Variants in SECISBP2L observed in about 807,000 individuals in gnomAD.
SECISBP2L encodes the protein selenocysteine insertion sequence-binding protein 2-like.
SECISBP2L carries 43 observed loss-of-function variants against 114.7 expected under a neutral mutation model. That is an observed-to-expected ratio of 0.38 (90% CI 0.29 to 0.48). The LOEUF (loss-of-function observed/expected upper bound fraction) is 0.48. Ranked by LOEUF, SECISBP2L falls within the 20% of genes least tolerant of loss-of-function variation. The pLI, the probability that SECISBP2L is intolerant of heterozygous loss-of-function variation, is 0.98. For synonymous variants in SECISBP2L, 451 were observed against 439.7 expected (o/e 1.03, Z -0.32); for missense variants, 1,136 against 1,301.1 (o/e 0.87, Z 1.95).
chr15:49,006,842 G>A (rs566268835), intron 14 of SECISBP2L, among the ~76,000 whole-genome samples: 10 of 152,216 alleles, frequency 6.6e-5, no homozygotes, highest in African/African-American at 2.4e-4. Flanking sequence ...CCTTGCTGGC[G>A]AGGAGTTGTG....
chr15:49,025,011 C>G (rs910048926), intron 7 of SECISBP2L, among the ~76,000 whole-genome samples: 3 of 152,068 alleles, frequency 2.0e-5, no homozygotes, highest in Non-Finnish European at 4.4e-5. Context: ...CTACTGATAC[C>G]AAAACCAATA....
chr15:49,003,217 G>T (rs1423681986), intron 14 of SECISBP2L, among the ~76,000 whole-genome samples: 4 of 152,174 alleles, frequency 2.6e-5, no homozygotes, highest in Non-Finnish European at 5.9e-5. Context: ...TGGCAATTGT[G>T]AATGGGAGTT....
At chr15:49,028,058 T>G in intron 6 of SECISBP2L, 86 bp downstream of exon 6, 3 of 1,219,142 alleles carry the variant, frequency 2.5e-6, no homozygotes, top group Non-Finnish European at 3.5e-6. Flanking sequence ...TTTTTTGCAG[T>G]ATCAGCAAGC....
At chr15:49,023,119 T>C (rs1902674337) in intron 7 of SECISBP2L, among the ~76,000 whole-genome samples, 1 of 151,716 alleles carries the variant, frequency 6.6e-6, no homozygotes, top group South Asian at 2.1e-4. Flanking sequence ...ATCATGATAA[T>C]AATGAGCAAA....
chr15:49,046,344 C>T lies in SECISBP2L; in HGVS notation c.-45G>A. The stretch of plus-strand genomic sequence containing the variant: ...GGCCCGCGCTAGTCGGTGTAAACAG[C>T]GCCTCGGGCCGCTTTCTCCATGGCC... On this transcript the variant is annotated 5_prime_UTR_variant, in exon 1 of 18. Coordinates refer to ENST00000559471, the MANE Select transcript of SECISBP2L (RefSeq NM_001193489.2). 1 of 1,467,788 alleles carries T rather than the reference C, an allele frequency of 6.8e-7. No individual in the cohort carries two copies. Among genetic ancestry groups the T allele is most frequent in the Non-Finnish European group, 9.0e-7 (1 of 1,105,256 alleles). 90.9% of individuals were successfully genotyped at this position (1,467,788 alleles called of 1,614,324 possible). A position where few individuals can be genotyped will look rare whatever the true frequency, so the allele number is the denominator to read the frequency against.
chr15:49,001,203 G>C, intron 14 of SECISBP2L, 106 bp from the exon 15 acceptor site: 1 of 717,182 alleles, frequency 1.4e-6, no homozygotes, highest in Non-Finnish European at 2.2e-6. Flanking sequence ...ATGGTAAGAA[G>C]TTTTCATGAA....
chr15:49,043,315 C>T (rs2413924), intron 1 of SECISBP2L, among the ~76,000 whole-genome samples: 1 of 152,016 alleles, frequency 6.6e-6, no homozygotes, highest in Non-Finnish European at 1.5e-5. Flanking sequence ...ATTGGTAAAA[C>T]GCATGTTGCA....
At chr15:49,038,836 T>C (rs137881852) in intron 1 of SECISBP2L, among the ~76,000 whole-genome samples, 2 of 152,312 alleles carry the variant, frequency 1.3e-5, no homozygotes, top group East Asian at 1.9e-4. Context: ...TTTTAACTAC[T>C]GTAAAAAATT....
intron 2 of SECISBP2L, 114 bp from the exon 3 acceptor site, chr15:49,035,772 T>C (rs1274299339): frequency 1.0e-5 from 10 of 985,590 alleles, no homozygotes; most frequent in African/African-American, 4.9e-5. Context: ...GGCTTCATGA[T>C]AATTTTGGGA....
At chr15:49,011,689 C>T (rs1311199171) in intron 13 of SECISBP2L, 42 bp downstream of exon 13, 1 of 1,608,828 alleles carries the variant, frequency 6.2e-7, no homozygotes, top group South Asian at 1.1e-5. Flanking sequence ...TAAAATATTT[C>T]AGACCATTCC....
At chr15:49,034,709 C>A (rs1450355131) in intron 3 of SECISBP2L, among the ~76,000 whole-genome samples, 1 of 133,610 alleles carries the variant, frequency 7.5e-6, no homozygotes, top group Admixed American at 8.4e-5. Flanking sequence ...CTGTCACCTA[C>A]GCTGGAGTGT....
intron 8 of SECISBP2L, among the ~76,000 whole-genome samples, chr15:49,019,145 C>T (rs183649331): frequency 1.3e-5 from 2 of 152,138 alleles, no homozygotes; most frequent in African/African-American, 4.8e-5. Flanking sequence ...ATAAAGTCCA[C>T]ATGAAATCAA....
chr15:49,045,755 G>GTA (rs2141091989), intron 1 of SECISBP2L, among the ~76,000 whole-genome samples: 1 of 152,196 alleles, frequency 6.6e-6, no homozygotes, highest in Non-Finnish European at 1.5e-5. Flanking sequence ...GGAAATCGTA[G>GTA]TATCGTTTCT....
intron 14 of SECISBP2L, among the ~76,000 whole-genome samples, chr15:49,005,708 T>C (rs1047948887): frequency 1.3e-5 from 2 of 151,964 alleles, no homozygotes; most frequent in Non-Finnish European, 2.9e-5. Flanking sequence ...CTTTATCCAA[T>C]TTGACAGTCT....
At chr15:49,036,410 C>T (rs1903008044) in intron 2 of SECISBP2L, among the ~76,000 whole-genome samples, 1 of 152,134 alleles carries the variant, frequency 6.6e-6, no homozygotes, top group South Asian at 2.1e-4. Context: ...CATGACAAAG[C>T]AAAATAGTAA....
At chr15:49,024,496 C>CAAA (rs72031518) in intron 7 of SECISBP2L, among the ~76,000 whole-genome samples, 4 of 82,772 alleles carry the variant, frequency 4.8e-5, no homozygotes, top group African/African-American at 3.8e-5. Flanking sequence ...GACTCTGTCT[C>CAAA]AAAAAAAAAA....
At chr15:49,012,480 T>C (rs1273604406) in intron 12 of SECISBP2L, among the ~76,000 whole-genome samples, 168 bp downstream of exon 12, 2 of 152,204 alleles carry the variant, frequency 1.3e-5, no homozygotes, top group Non-Finnish European at 2.9e-5. Flanking sequence ...ATAGTCATGA[T>C]ACTGATGATA....
At chr15:49,033,328 A>T (rs1595795238) in intron 3 of SECISBP2L, among the ~76,000 whole-genome samples, 1 of 152,352 alleles carries the variant, frequency 6.6e-6, no homozygotes, top group African/African-American at 2.4e-5. Flanking sequence ...TTTTCAAATA[A>T]TAATTAACAC....
rs80257908 is a variant in SECISBP2L, at chr15:49,009,389, G to A, written c.1865-11C>T. 2.6e-4 allele frequency: 421 copies of A among 1,598,162 alleles called. 1 individual carries two copies. The East Asian group carries it at 9.1e-3, about 35-fold the overall frequency. Reference sequence around the variant, plus strand: ...TGCTTAGTCCAGTATCTGTGGAGATGTGGAGTGAAGGGAAAAAATTTAGAA... The same window carrying A: ...TGCTTAGTCCAGTATCTGTGGAGATATGGAGTGAAGGGAAAAAATTTAGAA... On this transcript the variant is annotated splice_polypyrimidine_tract_variant and intron_variant, in intron 13 of 17. Transcript: ENST00000559471.
Sources: gnomAD v4.1 joint callset for allele counts (sites outside exome capture counted in the v4.1 genomes callset) on GRCh38, gnomAD v4.1.1 for gene constraint, MANE v1.5 for transcripts, NCBI Gene and HGNC (gene_info 2026-07-23, HGNC 2026-07-21) for gene names.